PDPN: variants seen among roughly 807,000 people sequenced by gnomAD.
PDPN encodes the protein podoplanin.
In PDPN, 12 loss-of-function variants were observed where a neutral mutation model predicts 23.2. The ratio of observed to expected loss-of-function variants is 0.52; its 90% CI spans 0.33 to 0.84. The LOEUF (loss-of-function observed/expected upper bound fraction) is 0.84. Among genes scored for constraint, PDPN ranks in the 40% least tolerant of loss-of-function variants. The probability of loss-of-function intolerance (pLI) is 0.02; values close to 1 mark genes in which losing one functional copy is unlikely to be tolerated. For missense variants in PDPN, 199 were observed against 212.2 expected (o/e 0.94, Z 0.39); for synonymous variants, 77 against 76.7 (o/e 1.00, Z -0.02).
chr1:13,591,167 C>T (rs1640333704), intron 1 of PDPN, among the ~76,000 whole-genome samples: 1 of 152,042 alleles, frequency 6.6e-6, no homozygotes, highest in East Asian at 1.9e-4. Context: ...GTCTCGAACT[C>T]CTGACCTCGT....
chr1:13,604,412 C>T (rs1365982487), intron 1 of PDPN, among the ~76,000 whole-genome samples: 4 of 150,610 alleles, frequency 2.7e-5, no homozygotes, highest in Admixed American at 1.3e-4. Context: ...AATGCTAGGG[C>T]GGTGAGACAA....
At position 13,607,165 on chromosome 1, in the gene PDPN, T is replaced by G. The variant is rs755243616; in HGVS notation, c.68-8T>G. 3.1e-6 allele frequency: 5 copies of G among 1,612,840 alleles called. No individual in the cohort carries two copies. The highest frequency in any genetic ancestry group is 4.2e-6 in the Non-Finnish European group (5 of 1,179,484). ...ACCTTAAGCTCTGACTCAATCTTTC[T>G]TCTTCAGCCAGCACAGGCCAGCCAG... On this transcript the variant is annotated splice_region_variant and splice_polypyrimidine_tract_variant and intron_variant, in intron 1 of 5. Transcript: ENST00000621990.
chr1:13,595,698 C>T (rs1640476871), intron 1 of PDPN: 1 of 445,740 alleles, frequency 2.2e-6, no homozygotes, highest in African/African-American at 2.0e-5. Flanking sequence ...TCTCATCCCA[C>T]AGGGGTTGAC....
chr1:13,613,758 C>G lies in PDPN; in HGVS notation c.370+33C>G, dbSNP rs375286764. 15 of 1,291,516 alleles carry G rather than the reference C, an allele frequency of 1.2e-5. No individual in the cohort carries two copies. In the East Asian group the frequency reaches 2.5e-4, roughly 22 times the overall value. 80.0% of individuals were successfully genotyped at this position (1,291,516 alleles called of 1,614,324 possible). ...AGATTTTGGCATCAAAATACTCTTA[C>G]TGGGGTTTTTTAAAAATTTCTTTGA... On this transcript the variant is annotated intron_variant, in intron 4 of 5. Transcript: ENST00000621990.
At chr1:13,588,143 A>G (rs1640229530) in intron 1 of PDPN, among the ~76,000 whole-genome samples, 1 of 151,656 alleles carries the variant, frequency 6.6e-6, no homozygotes. Flanking sequence ...ACACATACAC[A>G]CACACACACA....
intron 1 of PDPN, 90 bp from the exon 2 acceptor site, chr1:13,607,081 AAT>A: frequency 7.1e-7 from 1 of 1,408,946 alleles, no homozygotes; most frequent in African/African-American, 1.6e-5. Context: ...TTCCAAAAGA[AAT>A]GGAAAAGAAA....
intron 1 of PDPN, among the ~76,000 whole-genome samples, chr1:13,590,491 A>G (rs1360721410): frequency 1.3e-5 from 2 of 152,202 alleles, no homozygotes; most frequent in African/African-American, 4.8e-5. Flanking sequence ...TGTGGGGAAG[A>G]TGCGACTTTA....
At chr1:13,600,116 A>G (rs1640603930) in intron 1 of PDPN, among the ~76,000 whole-genome samples, 1 of 152,194 alleles carries the variant, frequency 6.6e-6, no homozygotes. Context: ...GCAGTGAGGT[A>G]CCAGGGGAAG....
rs748988683 is a variant in PDPN, at chr1:13,596,733, G to A, written c.68-10440G>A. On this transcript the variant is annotated intron_variant, in intron 1 of 5. Transcript: ENST00000621990. Reference sequence around the variant, plus strand: ...TCAACAATAGGTCAGGAGATGGGCCGGGCTACAGGACACAAGGGACAACTC... The same window carrying A: ...TCAACAATAGGTCAGGAGATGGGCCAGGCTACAGGACACAAGGGACAACTC... Among the ~76,000 whole-genome samples, 12 of 152,316 alleles carry A rather than the reference G, an allele frequency of 7.9e-5. No individual in the cohort carries two copies. The South Asian group carries it at 1.9e-3, about 24-fold the overall frequency.
At chr1:13,611,232 CA>C (rs1205935017) in intron 3 of PDPN, among the ~76,000 whole-genome samples, 1 of 134,642 alleles carries the variant, frequency 7.4e-6, no homozygotes, top group Non-Finnish European at 1.6e-5. Flanking sequence ...AAAAAAAAAA[CA>C]AAACAAAAAA....
rs368656506 is a variant in PDPN at position 13,610,494 on chromosome 1, C to T, written c.309C>T (p.Asn103=). ...AAAGTCCAAGCGCCACAGCCTCAAA[C>T]GTGGCCACCAGTCACTCCACGGGTA... The part of the protein sequence containing the change: ...QEQSPSATAS[N]VATSHSTEKV... The change falls in exon 3 of 6, where the codon AAC becomes AAT. Residue 103 remains asparagine, a synonymous_variant. Transcript: ENST00000621990. 12 of 1,613,746 alleles carry T rather than the reference C, an allele frequency of 7.4e-6. No homozygotes were observed. The highest frequency in any genetic ancestry group is 6.7e-5 in the Admixed American group (4 of 59,990).
chr1:13,587,400 T>G (rs1478039786), intron 1 of PDPN, among the ~76,000 whole-genome samples: 1 of 152,192 alleles, frequency 6.6e-6, no homozygotes, highest in East Asian at 1.9e-4. Flanking sequence ...TTCCATCGGC[T>G]TATCTGAATA....
At position 13,617,750 on chromosome 1, in the gene PDPN, C is replaced by G. The variant is rs564316967; in HGVS notation, c.*1839C>G. On this transcript the variant is annotated 3_prime_UTR_variant, in exon 6 of 6. Transcript: ENST00000621990. ...GGATGAGTTTAAATAACTCATTGTT[C>G]AGATTCCTGAACAGGAGTTGGGATA... 6.6e-6 allele frequency: 1 copy of G among 151,910 alleles called. No individual in the cohort carries two copies. Among genetic ancestry groups the G allele is most frequent in the African/African-American group, 2.4e-5 (1 of 41,364 alleles). 9.4% of individuals were successfully genotyped at this position (151,910 alleles called of 1,614,324 possible).
chr1:13,595,250 T>C (rs1044928962), intron 1 of PDPN, among the ~76,000 whole-genome samples: 1 of 152,234 alleles, frequency 6.6e-6, no homozygotes, highest in Non-Finnish European at 1.5e-5. Context: ...TCTTATATCC[T>C]GTCCCTTCCT....
chr1:13,590,579 A>G (rs562870653), intron 1 of PDPN, among the ~76,000 whole-genome samples: 4 of 152,248 alleles, frequency 2.6e-5, no homozygotes, highest in African/African-American at 9.6e-5. Context: ...AATGGCTTGA[A>G]CAAATGCATG....
chr1:13,587,606 T>C (rs557041457), intron 1 of PDPN, among the ~76,000 whole-genome samples: 1 of 152,252 alleles, frequency 6.6e-6, no homozygotes, highest in African/African-American at 2.4e-5. Context: ...CCAAAACTTC[T>C]CAGGGAAGTA....
At chr1:13,585,801 T>A (rs1397004952) in intron 1 of PDPN, among the ~76,000 whole-genome samples, 1 of 152,124 alleles carries the variant, frequency 6.6e-6, no homozygotes, top group Non-Finnish European at 1.5e-5. Context: ...TGTCTGAGAA[T>A]AATGAGCGAG....
At chr1:13,602,329 A>G (rs1351958628) in intron 1 of PDPN, among the ~76,000 whole-genome samples, 5 of 150,160 alleles carry the variant, frequency 3.3e-5, no homozygotes, top group Non-Finnish European at 7.4e-5. Context: ...CTCCGTCTCA[A>G]AAAAAAAAAA....
chr1:13,604,581 C>T (rs1640734931), intron 1 of PDPN, among the ~76,000 whole-genome samples: 1 of 151,054 alleles, frequency 6.6e-6, no homozygotes. Context: ...TGAAAGAATT[C>T]AATCTAATTT....
Sources: gnomAD v4.1 joint callset for allele counts (sites outside exome capture counted in the v4.1 genomes callset) on GRCh38, gnomAD v4.1.1 for gene constraint, MANE v1.5 for transcripts, NCBI Gene and HGNC (gene_info 2026-07-23, HGNC 2026-07-21) for gene names.